The following TMPRSS15 variants were observed in gnomAD, a reference collection of about 807,000 sequenced individuals.
The protein encoded by TMPRSS15 is transmembrane serine protease 15.
In TMPRSS15, 128 loss-of-function variants were observed where a neutral mutation model predicts 125.3. That is an observed-to-expected ratio of 1.02 (90% CI 0.89 to 1.18). The LOEUF is 1.18. TMPRSS15 is among the 50% of genes most tolerant of loss of function. The probability of loss-of-function intolerance (pLI) is 0.00; values close to 1 mark genes in which losing one functional copy is unlikely to be tolerated. For synonymous variants in TMPRSS15, 446 were observed against 423.2 expected, an observed-to-expected ratio of 1.05 and a Z score of -0.66; for missense variants, 1,283 against 1,212.7, an observed-to-expected ratio of 1.06 and a Z score of -0.86.
chr21:18,383,668 A>G lies in TMPRSS15; in HGVS notation c.455T>C (p.Leu152Pro). The G allele has an allele frequency of 6.2e-7, 1 of 1,614,030 alleles. No homozygotes were observed. Among genetic ancestry groups the G allele is most frequent in the Admixed American group, 1.7e-5 (1 of 60,018 alleles). Residue 152 changes from leucine (L) to proline (P), a missense_variant, in exon 4 of 25, where the codon CTG (leucine) becomes CCG (proline). By Grantham distance (98) the Leu-to-Pro change is moderately conservative. Transcript: ENST00000284885. ...QGLEANKSSQ[L>P]VTFHIDLNSV... ...GTTCAAATCAATATGGAAAGTGACCAGTTGGCTGGATTTATTTGCTTCAAG... is the reference window on the plus strand; with the variant it reads ...GTTCAAATCAATATGGAAAGTGACCGGTTGGCTGGATTTATTTGCTTCAAG...
At chr21:18,294,468 G>C in intron 20 of TMPRSS15, 24 bp from the exon 21 acceptor site, 1 of 1,613,840 alleles carries the variant, frequency 6.2e-7, no homozygotes, top group Non-Finnish European at 8.5e-7. Context: ...TGGAGAAAGA[G>C]CATCTATTTC....
rs1568988970 is a variant in TMPRSS15 at position 18,294,651 on chromosome 21, GACTGTA to G, written c.2262-5_2262del. ...ATCAAGGAATCCTGTAAACACTGTT[GACTGTA>G]ATAGAAGAACAATCATATTTTTAAA... On this transcript the variant is annotated splice_acceptor_variant and splice_polypyrimidine_tract_variant and coding_sequence_variant and intron_variant, in exon 20 of 25. Coordinates refer to ENST00000284885, the MANE Select transcript of TMPRSS15 (RefSeq NM_002772.3). LOFTEE classifies it high-confidence loss of function. 1 of 1,608,450 alleles carries G rather than the reference GACTGTA, an allele frequency of 6.2e-7. No homozygotes were observed. The highest frequency in any genetic ancestry group is 1.7e-5 in the Admixed American group (1 of 60,008).
At chr21:18,379,029 G>A (rs1461718056) in intron 5 of TMPRSS15, among the ~76,000 whole-genome samples, 1 of 152,050 alleles carries the variant, frequency 6.6e-6, no homozygotes, top group Non-Finnish European at 1.5e-5. Context: ...TTATCAACAG[G>A]TAATCACAGT....
At chr21:18,416,675 G>A (rs567890839) in intron 1 of TMPRSS15, among the ~76,000 whole-genome samples, 1 of 152,068 alleles carries the variant, frequency 6.6e-6, no homozygotes, top group South Asian at 2.1e-4. Context: ...ACTATTTGCA[G>A]CATATTGTAA....
chr21:18,310,666 T>C (rs73212033), intron 18 of TMPRSS15, among the ~76,000 whole-genome samples: 15,682 of 151,410 alleles, frequency 0.1, 867 homozygotes, highest in African/African-American at 0.13. Flanking sequence ...TTTAATGCAA[T>C]CCCTATCAAA....
At chr21:18,367,044 AG>A (rs2075744743) in intron 6 of TMPRSS15, among the ~76,000 whole-genome samples, 1 of 152,074 alleles carries the variant, frequency 6.6e-6, no homozygotes, top group Non-Finnish European at 1.5e-5. Context: ...ATATATTTTC[AG>A]GTGCATAAAA....
chr21:18,404,054 C>T (rs2076125219), upstream of TMPRSS15, among the ~76,000 whole-genome samples: 2 of 152,156 alleles, frequency 1.3e-5, no homozygotes, highest in South Asian at 4.1e-4. Context: ...GATCAACCTT[C>T]TACCCTCTGA....
At chr21:18,326,733 T>C (rs1205733545) in intron 15 of TMPRSS15, among the ~76,000 whole-genome samples, 161 bp from the exon 16 acceptor site, 4 of 152,242 alleles carry the variant, frequency 2.6e-5, no homozygotes, top group Admixed American at 2.6e-4. Context: ...TCTCTTACAT[T>C]TTGAACACTT....
At chr21:18,485,751 AC>A (rs59675119) in intron 1 of TMPRSS15, 165,995 of 165,996 alleles carry the variant, frequency 1, 82,997 homozygotes, top group Middle Eastern at 1. Context: ...ATAAAGACAT[AC>A]CCCAAGACTC....
rs183594301 is a variant in TMPRSS15, at chr21:18,484,799, A to G, written c.10+1000T>C. Among the ~76,000 whole-genome samples the G allele has an allele frequency of 4.0e-3, 605 of 151,902 alleles. 6 individuals carry two copies. The highest frequency in any genetic ancestry group is 0.014 in the African/African-American group (586 of 41,514). Reference sequence around the variant, plus strand: ...TTTTCTTCCATAATTACCTAGCATCATTGGTAAATTGTCTTAATTACTACA... The same window carrying G: ...TTTTCTTCCATAATTACCTAGCATCGTTGGTAAATTGTCTTAATTACTACA... On this transcript the variant is annotated intron_variant, in intron 1 of 7. Coordinates refer to the TMPRSS15 transcript ENST00000422787.
At chr21:18,380,892 T>C (rs553906897) in intron 4 of TMPRSS15, among the ~76,000 whole-genome samples, 2 of 152,290 alleles carry the variant, frequency 1.3e-5, no homozygotes, top group South Asian at 4.1e-4. Flanking sequence ...AGCCAACTAA[T>C]ATAACATGAT....
chr21:18,405,593 T>A (rs1318737416), upstream of TMPRSS15, among the ~76,000 whole-genome samples: 22 of 152,246 alleles, frequency 1.4e-4, no homozygotes, highest in Non-Finnish European at 7.4e-5. Flanking sequence ...TAAGTGTGAT[T>A]TGCATATGGA....
intron 1 of TMPRSS15, among the ~76,000 whole-genome samples, chr21:18,470,065 A>G (rs1392074719): frequency 6.6e-6 from 1 of 151,924 alleles, no homozygotes; most frequent in Non-Finnish European, 1.5e-5. Flanking sequence ...TTTTTGGTAA[A>G]TTTTCTGGTG....
At chr21:18,315,441 A>AT (rs60239843) in intron 16 of TMPRSS15, among the ~76,000 whole-genome samples, 185 bp from the exon 17 acceptor site, 86,628 of 111,348 alleles carry the variant, frequency 0.78, 34,444 homozygotes, top group South Asian at 0.94. Context: ...ATGTATACAC[A>AT]ATAACAAACC....
chr21:18,399,810 G>T (rs1189930577), intron 1 of TMPRSS15, among the ~76,000 whole-genome samples: 2 of 152,016 alleles, frequency 1.3e-5, no homozygotes, highest in Non-Finnish European at 2.9e-5. Flanking sequence ...AATGTTAAAA[G>T]TAGTATGTGC....
At chr21:18,297,870 A>C in intron 18 of TMPRSS15, 41 bp from the exon 19 acceptor site, 1 of 1,477,598 alleles carries the variant, frequency 6.8e-7, no homozygotes, top group Non-Finnish European at 9.4e-7. Context: ...AAACAAAAGC[A>C]TAAAGAAAAG....
upstream of TMPRSS15, among the ~76,000 whole-genome samples, chr21:18,407,815 C>T (rs980229535): frequency 1.1e-4 from 16 of 152,018 alleles, no homozygotes; most frequent in Non-Finnish European, 1.9e-4. Context: ...TAAGATAAAA[C>T]GCTTTATGTG....
chr21:18,406,029 T>C (rs1223490646), upstream of TMPRSS15, among the ~76,000 whole-genome samples: 1 of 152,122 alleles, frequency 6.6e-6, no homozygotes, highest in Non-Finnish European at 1.5e-5. Context: ...TATGACAGAA[T>C]TGAACTGAGG....
chr21:18,300,368 T>G (rs1211205181), intron 18 of TMPRSS15, among the ~76,000 whole-genome samples: 3 of 126,844 alleles, frequency 2.4e-5, no homozygotes, highest in Admixed American at 8.1e-5. Context: ...TTTTTTTTTT[T>G]GGATACTCTG....
Sources: allele counts gnomAD v4.1 joint callset (sites outside exome capture counted in the v4.1 genomes callset), GRCh38; gene constraint gnomAD v4.1.1; transcripts MANE v1.5; gene names NCBI Gene and HGNC (gene_info 2026-07-23, HGNC 2026-07-21).